The following ALKBH6 variants were observed in gnomAD, a reference collection of about 807,000 sequenced individuals.
ALKBH6 encodes alkB homolog 6, nucleotide demethylase.
Under a neutral mutation model 25.1 loss-of-function variants are expected in ALKBH6, and 20 were observed. The observed-to-expected ratio is 0.80, with a 90% CI of 0.56 to 1.16. The LOEUF (loss-of-function observed/expected upper bound fraction) is 1.16, where lower values mean the gene tolerates loss of function less well. Ranked by LOEUF, ALKBH6 falls within the 50% of genes most tolerant of loss-of-function variation. ALKBH6 has a pLI of 0.00. For missense variants in ALKBH6, 263 were observed against 326.5 expected (o/e 0.81, Z 1.50); for synonymous variants, 156 against 147.5 (o/e 1.06, Z -0.42).
rs1386237964 is a variant in ALKBH6, at chr19:36,010,111, C to T, written c.453+456G>A. Reference sequence around the variant, plus strand: ...GCGTGTTCAGGGGCGTTTCTGTGAACACTGGGGTGCTAGAAATGCATCACT... The same window carrying T: ...GCGTGTTCAGGGGCGTTTCTGTGAATACTGGGGTGCTAGAAATGCATCACT... On this transcript the variant is annotated intron_variant, in intron 6 of 6. Coordinates refer to ENST00000378875, the MANE Select transcript of ALKBH6 (RefSeq NM_032878.5). This position sits in a 1 kb window ranked among gnomAD's most constrained non-coding sequence, Gnocchi z 5.5. Among the ~76,000 whole-genome samples the T allele has an allele frequency of 6.6e-6, 1 of 152,142 alleles. No homozygotes were observed. Among genetic ancestry groups the T allele is most frequent in the East Asian group, 1.9e-4 (1 of 5,172 alleles).
intron 4 of ALKBH6, 106 bp from the exon 5 acceptor site, chr19:36,011,151 C>T (rs1599685077): frequency 4.1e-6 from 6 of 1,451,612 alleles, no homozygotes; most frequent in South Asian, 3.9e-5. Context: ...GACCCCTGAC[C>T]GTTTGGAGAT....
At position 36,009,223 on chromosome 19, in the gene ALKBH6, G is replaced by A; in HGVS notation, c.*67C>T. The A allele has an allele frequency of 8.0e-7, 1 of 1,254,320 alleles. No homozygotes were observed. The highest frequency in any genetic ancestry group is 3.1e-5 in the South Asian group (1 of 31,832). 77.7% of individuals were successfully genotyped at this position (1,254,320 alleles called of 1,614,324 possible). A position where few individuals can be genotyped will look rare whatever the true frequency, so the allele number is the denominator to read the frequency against. Reference sequence around the variant, plus strand: ...AGCCCCCTTTGCCCACGGTTCCTAGGTCGCGGAGTCACAGCAGCCCCAAAG... The same window carrying A: ...AGCCCCCTTTGCCCACGGTTCCTAGATCGCGGAGTCACAGCAGCCCCAAAG... On this transcript the variant is annotated 3_prime_UTR_variant, in exon 7 of 7. Coordinates refer to ENST00000378875, the MANE Select transcript of ALKBH6 (RefSeq NM_032878.5).
Position 36,013,369 on chromosome 19 carries a change from G to T in ALKBH6, c.29C>A (p.Ala10Asp), listed in dbSNP as rs780080190. 6.2e-7 allele frequency: 1 copy of T among 1,613,800 alleles called. No individual in the cohort carries two copies. The highest frequency in any genetic ancestry group is 8.5e-7 in the Non-Finnish European group (1 of 1,179,874). MEEQDARVP[A>D]LEPFRVEQAP... is the part of the protein sequence containing the mutation. The stretch of plus-strand genomic sequence containing the variant: ...CTGCTCCACTCTGAACGGTTCCAGG[G>T]CTGGGACTCTGGCGTCCTGCTCCTC... The change falls in exon 2 of 7, where the codon GCC (alanine) becomes GAC (aspartate). Residue 10 changes from alanine to aspartate, a missense_variant. By Grantham distance (126) the Ala-to-Asp change is moderately radical (BLOSUM62 -2). Coordinates refer to ENST00000378875, the MANE Select transcript of ALKBH6 (RefSeq NM_032878.5). This position sits in a 1 kb window ranked among gnomAD's most constrained non-coding sequence, Gnocchi z 4.6.
rs1041317391 is a variant in ALKBH6, at chr19:36,012,784, C to A, written c.123+237G>T. 1.9e-4 allele frequency: 99 copies of A among 508,222 alleles called. 1 individual carries two copies. In the South Asian group the frequency reaches 2.2e-3, roughly 11 times the overall value. The allele number at this position is 508,222 out of a possible 1,614,324, so 31.5% of individuals were successfully genotyped here. ...AGCACAGAAATCTGAATACAAAATT[C>A]TTTACTCCCCAGTCTCAATGATCTG... On this transcript the variant is annotated intron_variant, in intron 3 of 6. Coordinates refer to ENST00000378875, the MANE Select transcript of ALKBH6 (RefSeq NM_032878.5).
rs1968523061 is a variant in ALKBH6, at chr19:36,009,501, A to G, written c.506T>C (p.Leu169Pro). The G allele has an allele frequency of 7.4e-6, 9 of 1,210,288 alleles. No individual in the cohort carries two copies. Among genetic ancestry groups the G allele is most frequent in the African/African-American group, 1.6e-5 (1 of 62,814 alleles). 75.0% of individuals were successfully genotyped at this position (1,210,288 alleles called of 1,614,324 possible). A position where few individuals can be genotyped will look rare whatever the true frequency, so the allele number is the denominator to read the frequency against. The change falls in exon 7 of 7, where the codon CTG (leucine) becomes CCG (proline). Residue 169 changes from leucine to proline, a missense_variant. By Grantham distance (98) the Leu-to-Pro change is moderately conservative. Transcript: ENST00000378875. Reference protein sequence around the residue: ...TTSLLLEPRSLLVLRGPAYTR... With the variant: ...TTSLLLEPRSPLVLRGPAYTR... ...GTAGGCGGGGCCGCGGAGCACCAGC[A>G]GGCTGCGCGGTTCCAGCAGTAGCGA... is the stretch of plus-strand genomic sequence containing the variant.
At position 36,010,428 on chromosome 19, in the gene ALKBH6, G is replaced by C; in HGVS notation, c.453+139C>G. The C allele has an allele frequency of 2.7e-6, 2 of 752,220 alleles. No individual in the cohort carries two copies. The highest frequency in any genetic ancestry group is 4.5e-6 in the Non-Finnish European group (2 of 439,894). The allele number at this position is 752,220 out of a possible 1,614,324, so 46.6% of individuals were successfully genotyped here. On this transcript the variant is annotated intron_variant, in intron 6 of 6. Transcript: ENST00000378875. The surrounding 1 kb of genome is among the most constrained non-coding windows in gnomAD (Gnocchi z 5.5). ...GGGTTGGGTGTCTGGGAGGAAGTGG[G>C]TACACCCCATGAGGGGACAAGGGAA...
Position 36,010,289 on chromosome 19 carries a change from G to T in ALKBH6, c.453+278C>A, listed in dbSNP as rs937896123. 17 of 420,912 alleles carry T rather than the reference G, an allele frequency of 4.0e-5. No homozygotes were observed. Among genetic ancestry groups the T allele is most frequent in the South Asian group, 6.3e-5 (2 of 31,696 alleles). The allele number at this position is 420,912 out of a possible 1,614,324, so 26.1% of individuals were successfully genotyped here. On this transcript the variant is annotated intron_variant, in intron 6 of 6. Coordinates refer to ENST00000378875, the MANE Select transcript of ALKBH6 (RefSeq NM_032878.5). This position sits in a 1 kb window ranked among gnomAD's most constrained non-coding sequence, Gnocchi z 5.5. ...GGCCCCCCGAGTTAATGGCGGTGGG[G>T]TATCTAAGGATATCAGTGTCTGCTG... is the stretch of plus-strand genomic sequence containing the variant.
intron 4 of ALKBH6, 69 bp from the exon 5 acceptor site, chr19:36,011,114 G>GGC (rs779046403): frequency 9.8e-6 from 15 of 1,536,882 alleles, no homozygotes; most frequent in Non-Finnish European, 1.3e-5. Flanking sequence ...ATTCCACAGT[G>GGC]GCTGGAAGCA....
chr19:36,013,493 C>A lies in ALKBH6; in HGVS notation c.-25-71G>T. 1 of 1,594,270 alleles carries A rather than the reference C, an allele frequency of 6.3e-7. No homozygotes were observed. The highest frequency in any genetic ancestry group is 1.1e-5 in the South Asian group (1 of 88,294). ...TAACACCATGATGCAGCATTCCACCCCATCACAGGCCAGGCCTCACCTCAG... is the reference window on the plus strand; with the variant it reads ...TAACACCATGATGCAGCATTCCACCACATCACAGGCCAGGCCTCACCTCAG... On this transcript the variant is annotated intron_variant, in intron 1 of 6. Coordinates refer to ENST00000378875, the MANE Select transcript of ALKBH6 (RefSeq NM_032878.5). This position sits in a 1 kb window ranked among gnomAD's most constrained non-coding sequence, Gnocchi z 4.6.
At chr19:36,011,209 C>T in intron 4 of ALKBH6, 164 bp from the exon 5 acceptor site, 1 of 1,144,004 alleles carries the variant, frequency 8.7e-7, no homozygotes, top group Non-Finnish European at 1.2e-6. Flanking sequence ...GACCACAGGT[C>T]CCTTTCAGAT....
rs57241553 is a variant in ALKBH6 at position 36,011,119 on chromosome 19, G to A, written c.185-74C>T. 20,690 of 1,532,308 alleles carry A rather than the reference G, an allele frequency of 0.014. 1,206 individuals are homozygous for A. In the East Asian group the frequency reaches 0.17, roughly 13 times the overall value. The allele number at this position is 1,532,308 out of a possible 1,614,324, so 94.9% of individuals were successfully genotyped here. ...CCCATTAGGGATTCCACAGTGGCTG[G>A]AAGCACCCTGATCCTCTCAGGGACC... On this transcript the variant is annotated intron_variant, in intron 4 of 6. Transcript: ENST00000378875.
rs1209224519 is a variant in ALKBH6 at position 36,010,709 on chromosome 19, C to T, written c.337-26G>A. ...CTAGGGAGTGGGCACCAGGGCTGGG[C>T]AGGGCAGGAGTCCACAACCCCCACC... On this transcript the variant is annotated intron_variant, in intron 5 of 6. Transcript: ENST00000378875. This position sits in a 1 kb window ranked among gnomAD's most constrained non-coding sequence, Gnocchi z 5.5. The T allele has an allele frequency of 1.2e-6, 2 of 1,606,752 alleles. No individual in the cohort carries two copies. Among genetic ancestry groups the T allele is most frequent in the Non-Finnish European group, 1.7e-6 (2 of 1,174,018 alleles).
intron 3 of ALKBH6, chr19:36,012,420 C>T (rs923631763): frequency 1.3e-5 from 2 of 153,184 alleles, no homozygotes; most frequent in African/African-American, 4.8e-5. Context: ...CTATTTCAGC[C>T]CAGGAATTCT....
chr19:36,011,205 A>C, intron 4 of ALKBH6, 160 bp from the exon 5 acceptor site: 1 of 1,169,856 alleles, frequency 8.5e-7, no homozygotes, highest in East Asian at 2.6e-5. Context: ...TCCAGACCAC[A>C]GGTCCCTTTC....
Position 36,010,402 on chromosome 19 carries a change from T to G in ALKBH6, c.453+165A>C. On this transcript the variant is annotated intron_variant, in intron 6 of 6. Coordinates refer to ENST00000378875, the MANE Select transcript of ALKBH6 (RefSeq NM_032878.5). The surrounding 1 kb of genome is among the most constrained non-coding windows in gnomAD (Gnocchi z 5.5). Reference sequence around the variant, plus strand: ...GTGGGACAGACACCCTGTAAGCAGATGGGTTGGGTGTCTGGGAGGAAGTGG... The same window carrying G: ...GTGGGACAGACACCCTGTAAGCAGAGGGGTTGGGTGTCTGGGAGGAAGTGG... 3.0e-6 allele frequency: 2 copies of G among 670,866 alleles called. No homozygotes were observed. Among genetic ancestry groups the G allele is most frequent in the East Asian group, 2.5e-5 (1 of 39,652 alleles). 41.6% of individuals were successfully genotyped at this position (670,866 alleles called of 1,614,324 possible). A position where few individuals can be genotyped will look rare whatever the true frequency, so the allele number is the denominator to read the frequency against.
In ALKBH6 at chr19:36,009,460, C is replaced by G. The variant is rs538782058; in HGVS notation, c.547G>C (p.Gly183Arg). 8.0e-7 allele frequency: 1 copy of G among 1,247,118 alleles called. No homozygotes were observed. Among genetic ancestry groups the G allele is most frequent in the Non-Finnish European group, 1.0e-6 (1 of 997,762 alleles). 77.3% of individuals were successfully genotyped at this position (1,247,118 alleles called of 1,614,324 possible). ...GCGTCTACGCGGGCGGCGGCGATGC[C>G]GTGGAGAAGACGCGTGTAGGCGGGG... ...RGPAYTRLLH[G>R]IAAARVDALD... is the part of the protein sequence containing the mutation. The change falls in exon 7 of 7, where the codon GGC (glycine) becomes CGC (arginine). Residue 183 changes from glycine to arginine, a missense_variant. Physicochemically the swap from Gly to Arg is moderately radical, Grantham distance 125. Coordinates refer to ENST00000378875, the MANE Select transcript of ALKBH6 (RefSeq NM_032878.5).
chr19:36,010,519 C>T lies in ALKBH6; in HGVS notation c.453+48G>A, dbSNP rs771029598. ...GGACCAGGTCATCTTGGAGGATGTG[C>T]GAGGTTGAAGTGCCTACAAGCAGCT... is the stretch of plus-strand genomic sequence containing the variant. On this transcript the variant is annotated intron_variant, in intron 6 of 6. Transcript: ENST00000378875. This position sits in a 1 kb window ranked among gnomAD's most constrained non-coding sequence, Gnocchi z 5.5. 8 of 1,502,144 alleles carry T rather than the reference C, an allele frequency of 5.3e-6. No homozygotes were observed. The highest frequency in any genetic ancestry group is 2.3e-5 in the East Asian group (1 of 44,202). The allele number at this position is 1,502,144 out of a possible 1,614,324, so 93.1% of individuals were successfully genotyped here.
intron 4 of ALKBH6, 97 bp downstream of exon 4, chr19:36,011,307 G>C (rs563482267): frequency 6.8e-7 from 1 of 1,474,492 alleles, no homozygotes; most frequent in Admixed American, 2.0e-5. Context: ...CCCTTGAGCT[G>C]TCAGGGACCC....
chr19:36,011,162 A>G (rs754388179), intron 4 of ALKBH6, 117 bp from the exon 5 acceptor site: 3 of 1,391,306 alleles, frequency 2.2e-6, no homozygotes, highest in Non-Finnish European at 2.0e-6. Flanking sequence ...GTTTGGAGAT[A>G]GCCACTGGGT....
Sources: allele counts gnomAD v4.1 joint callset (sites outside exome capture counted in the v4.1 genomes callset), GRCh38; gene constraint gnomAD v4.1.1; non-coding constraint Gnocchi (gnomAD v3.1); transcripts MANE v1.5; gene names NCBI Gene and HGNC (gene_info 2026-07-23, HGNC 2026-07-21).